The following REL variants were observed in gnomAD, a reference collection of about 807,000 sequenced individuals.
The protein encoded by REL is proto-oncogene c-Rel.
REL carries 15 observed loss-of-function variants against 45.9 expected under a neutral mutation model. That is an observed-to-expected ratio of 0.33 (90% CI 0.22 to 0.50). The LOEUF (loss-of-function observed/expected upper bound fraction) is 0.50. Among genes scored for constraint, REL ranks in the 20% least tolerant of loss-of-function variants. The pLI is 0.98. For synonymous variants in REL, 239 were observed against 242.1 expected (o/e 0.99, Z 0.12); for missense variants, 601 against 715.2 (o/e 0.84, Z 1.82).
At chr2:60,900,740 C>T (rs529367206) in intron 3 of REL, 139 of 377,642 alleles carry the variant, frequency 3.7e-4, no homozygotes, top group Middle Eastern at 7.4e-4. Flanking sequence ...TCAGGCTGGT[C>T]TGGAACTCCT....
At chr2:60,906,936 C>T (rs1158168853) in intron 4 of REL, among the ~76,000 whole-genome samples, 2 of 109,678 alleles carry the variant, frequency 1.8e-5, no homozygotes, top group East Asian at 2.2e-4. Flanking sequence ...TTTTCTTTTC[C>T]GAGACAGAGT....
At chr2:60,912,877 GA>G (rs954112350) in intron 4 of REL, among the ~76,000 whole-genome samples, 4 of 149,826 alleles carry the variant, frequency 2.7e-5, no homozygotes, top group Non-Finnish European at 4.5e-5. Flanking sequence ...AATGAAGCTT[GA>G]AAAAAAAATA....
intron 4 of REL, among the ~76,000 whole-genome samples, chr2:60,913,418 A>G (rs1558812504): frequency 1.3e-5 from 2 of 152,174 alleles, no homozygotes; most frequent in African/African-American, 2.4e-5. Context: ...GGCCGGGTAC[A>G]CTAGCAATCC....
intron 4 of REL, 86 bp from the exon 5 acceptor site, chr2:60,916,791 T>G: frequency 1.2e-6 from 1 of 802,314 alleles, no homozygotes; most frequent in South Asian, 1.8e-5. Flanking sequence ...TCAAGGTTAT[T>G]GGCTATAATG....
intron 1 of REL, among the ~76,000 whole-genome samples, chr2:60,887,703 C>T (rs922857237): frequency 1.3e-5 from 2 of 149,442 alleles, no homozygotes; most frequent in African/African-American, 4.9e-5. Context: ...CTACATTCCC[C>T]CAGCTTGTTA....
intron 1 of REL, among the ~76,000 whole-genome samples, chr2:60,884,788 A>G (rs115674477): frequency 0.017 from 2,535 of 152,274 alleles, 41 homozygotes; most frequent in Non-Finnish European, 0.023. Flanking sequence ...AAGTACAGAA[A>G]TGAATTGTTT....
intron 4 of REL, among the ~76,000 whole-genome samples, chr2:60,913,714 G>C (rs1051256626): frequency 6.6e-6 from 1 of 152,002 alleles, no homozygotes; most frequent in African/African-American, 2.4e-5. Flanking sequence ...CTGAACTGTG[G>C]GTTTTCTTCT....
At chr2:60,906,142 C>T (rs1673642162) in intron 4 of REL, among the ~76,000 whole-genome samples, 1 of 152,148 alleles carries the variant, frequency 6.6e-6, no homozygotes, top group Admixed American at 6.5e-5. Context: ...TTATTCACTA[C>T]CACGAGAGCA....
intron 4 of REL, among the ~76,000 whole-genome samples, chr2:60,903,087 GT>G (rs966393103): frequency 2.0e-5 from 3 of 152,194 alleles, no homozygotes; most frequent in Non-Finnish European, 4.4e-5. Flanking sequence ...AAAGAGGCAG[GT>G]AAGTCTAGAT....
chr2:60,900,095 C>A (rs1169669425), intron 3 of REL: 1 of 152,134 alleles, frequency 6.6e-6, no homozygotes, highest in Admixed American at 6.6e-5. Context: ...CTAAAGAGCC[C>A]TGAATAAATG....
intron 4 of REL, among the ~76,000 whole-genome samples, chr2:60,902,647 G>T (rs1224688477): frequency 1.4e-5 from 2 of 146,150 alleles, no homozygotes; most frequent in Non-Finnish European, 3.0e-5. Flanking sequence ...AGGATGGAGT[G>T]CAGTGATGTG....
chr2:60,901,894 A>G (rs954693270), intron 4 of REL, among the ~76,000 whole-genome samples: 1 of 152,182 alleles, frequency 6.6e-6, no homozygotes, highest in Non-Finnish European at 1.5e-5. Flanking sequence ...TTTATTGGGG[A>G]TAGCATTTAT....
At chr2:60,904,519 C>T (rs957810172) in intron 4 of REL, among the ~76,000 whole-genome samples, 2 of 151,126 alleles carry the variant, frequency 1.3e-5, no homozygotes, top group African/African-American at 2.4e-5. Context: ...TGTGGTGAGC[C>T]GAGATCACGC....
At position 60,921,819 on chromosome 2, in the gene REL, A is replaced by G. The variant is rs770151737; in HGVS notation, c.1048A>G (p.Ser350Gly). 6.2e-7 allele frequency: 1 copy of G among 1,614,080 alleles called. No individual in the cohort carries two copies. Among genetic ancestry groups the G allele is most frequent in the Non-Finnish European group, 8.5e-7 (1 of 1,179,956 alleles). ...GAGAGAAATGCCTACAGGGGTTTCAAGTCAAGCAGAATCCTACTATCCCTC... is the reference window on the plus strand; with the variant it reads ...GAGAGAAATGCCTACAGGGGTTTCAGGTCAAGCAGAATCCTACTATCCCTC... ...VVREMPTGVS[S>G]QAESYYPSPG... Residue 350 changes from serine (S) to glycine (G), a missense_variant, in exon 10 of 10, where the codon AGT (serine) becomes GGT (glycine). Around this residue, in one of 4 missense-constraint regions of REL, gnomAD observed 334 missense variants for 333.1 expected, o/e 1.00. Transcript: ENST00000394479.
Position 60,881,784 on chromosome 2 carries a change from G to A in REL, c.-57G>A, listed in dbSNP as rs371444226. On this transcript the variant is annotated 5_prime_UTR_variant, in exon 1 of 10. Transcript: ENST00000394479. ...TCGGCCTCCTGACTGACTGACTGCG[G>A]CCGCCTCCGGCCAGGACGCTGGGAG... The A allele has an allele frequency of 6.6e-7, 1 of 1,517,778 alleles. No individual in the cohort carries two copies. Among genetic ancestry groups the A allele is most frequent in the Non-Finnish European group, 8.8e-7 (1 of 1,130,152 alleles). 94.0% of individuals were successfully genotyped at this position (1,517,778 alleles called of 1,614,324 possible).
chr2:60,920,935 T>G (rs1271832896), intron 9 of REL, among the ~76,000 whole-genome samples: 1 of 152,236 alleles, frequency 6.6e-6, no homozygotes, highest in Non-Finnish European at 1.5e-5. Context: ...GTTACCTGTT[T>G]TTATAAATAA....
intron 2 of REL, 115 bp downstream of exon 2, chr2:60,891,940 C>T: frequency 6.9e-6 from 7 of 1,015,110 alleles, no homozygotes; most frequent in East Asian, 5.6e-5. Flanking sequence ...TTATCTTTTT[C>T]TTTTTTCCTT....
At position 60,903,259 on chromosome 2, in the gene REL, G is replaced by A. The variant is rs965974245; in HGVS notation, c.394+2176G>A. Reference sequence around the variant, plus strand: ...ATGCCAAGACTTTTGTTATTTAACTGTCCCAAATCATGCTGCAAATATAAG... The same window carrying A: ...ATGCCAAGACTTTTGTTATTTAACTATCCCAAATCATGCTGCAAATATAAG... On this transcript the variant is annotated intron_variant, in intron 4 of 9. Transcript: ENST00000394479. Among the ~76,000 whole-genome samples the A allele has an allele frequency of 3.5e-4, 53 of 152,168 alleles. 1 individual carries two copies. The highest frequency in any genetic ancestry group is 1.5e-4 in the Non-Finnish European group (10 of 68,028).
chr2:60,891,611 AC>A (rs1373424642), intron 1 of REL, 71 bp from the exon 2 acceptor site: 7 of 1,303,456 alleles, frequency 5.4e-6, no homozygotes, highest in Admixed American at 2.6e-5. Flanking sequence ...TATAAAAAAA[AC>A]AGAATGTTAA....
Sources: allele counts gnomAD v4.1 joint callset (sites outside exome capture counted in the v4.1 genomes callset), GRCh38; gene constraint gnomAD v4.1.1; regional missense constraint gnomAD v4.1.1; transcripts MANE v1.5; gene names NCBI Gene and HGNC (gene_info 2026-07-23, HGNC 2026-07-21).